The following DNAH8 variants were observed in gnomAD, a reference collection of about 807,000 sequenced individuals.
The protein encoded by DNAH8 is dynein axonemal heavy chain 8.
In DNAH8, 382 loss-of-function variants were observed where a neutral mutation model predicts 562.1. The ratio of observed to expected loss-of-function variants is 0.68; its 90% CI spans 0.63 to 0.74. DNAH8 has a LOEUF of 0.74. DNAH8 is among the 30% of genes least tolerant of loss of function. The pLI, the probability that DNAH8 is intolerant of heterozygous loss-of-function variation, is 0.00. For missense variants in DNAH8, 5,203 were observed against 5,620.4 expected (o/e 0.93, Z 2.37); for synonymous variants, 1,881 against 1,919.4 (o/e 0.98, Z 0.52).
Position 38,807,669 on chromosome 6 carries a change from T to C in DNAH8, c.3210T>C (p.Ala1070=). Reference sequence around the variant, plus strand: ...AATTACTAGACAGTCTTCAAAAAGCTACACGGTTATCTCTGGACACAATGA... The same window carrying C: ...AATTACTAGACAGTCTTCAAAAAGCCACACGGTTATCTCTGGACACAATGA... The part of the protein sequence containing the change: ...SHQLLDSLQK[A]TRLSLDTMKR... Residue 1070 remains alanine, a synonymous_variant, in exon 24 of 93, where the codon GCT becomes GCC. Coordinates refer to ENST00000327475, the MANE Select transcript of DNAH8 (RefSeq NM_001206927.2). 2 of 1,568,262 alleles carry C rather than the reference T, an allele frequency of 1.3e-6. No individual in the cohort carries two copies. Among genetic ancestry groups the C allele is most frequent in the Non-Finnish European group, 8.6e-7 (1 of 1,160,722 alleles).
Position 38,715,958 on chromosome 6 carries a change from A to AT in DNAH8, c.-35+544dup, listed in dbSNP as rs1454056787. 2.3e-3 allele frequency among the ~76,000 whole-genome samples: 71 copies of AT among 31,042 alleles called. 3 individuals carry two copies. The highest frequency in any genetic ancestry group is 3.1e-3 in the Admixed American group (7 of 2,226). The allele number at this position is 31,042 out of a possible 152,430, so 20.4% of individuals were successfully genotyped here. On this transcript the variant is annotated intron_variant, in intron 1 of 92. Coordinates refer to ENST00000327475, the MANE Select transcript of DNAH8 (RefSeq NM_001206927.2). The stretch of plus-strand genomic sequence containing the variant: ...TATATATATATATATATATATATAT[A>AT]TATTTTTTTTTTTTTTTTGAGACGG...
At chr6:38,727,033 T>C (rs940673528) in intron 3 of DNAH8, among the ~76,000 whole-genome samples, 7 of 152,024 alleles carry the variant, frequency 4.6e-5, no homozygotes, top group African/African-American at 1.7e-4. Flanking sequence ...AATTTTTGTA[T>C]TTTTAGTAGA....
Position 38,853,595 on chromosome 6 carries a change from A to G in DNAH8, c.5733+248A>G, listed in dbSNP as rs16891139. Among the ~76,000 whole-genome samples the G allele has an allele frequency of 0.037, 5,656 of 152,214 alleles. 298 individuals carry two copies. Among genetic ancestry groups the G allele is most frequent in the East Asian group, 0.28 (1,434 of 5,166 alleles). ...TTTTCCCATCATGAAGGATACATAC[A>G]TTGAGTCTAATAGATACATATGTAA... On this transcript the variant is annotated intron_variant, in intron 41 of 92. Transcript: ENST00000327475.
chr6:38,721,583 G>T (rs1762756370), intron 1 of DNAH8, among the ~76,000 whole-genome samples: 1 of 152,094 alleles, frequency 6.6e-6, no homozygotes, highest in Non-Finnish European at 1.5e-5. Context: ...AAACCCTGCT[G>T]ATAATTTGGG....
intron 88 of DNAH8, among the ~76,000 whole-genome samples, chr6:39,005,410 A>G (rs1398160741): frequency 6.6e-6 from 1 of 152,116 alleles, no homozygotes; most frequent in Non-Finnish European, 1.5e-5. Context: ...TCTCAAAAAC[A>G]AAACAAAACA....
Position 38,847,570 on chromosome 6 carries a change from G to A in DNAH8, c.5046-1078G>A, listed in dbSNP as rs1775397007. On this transcript the variant is annotated intron_variant, in intron 36 of 92. Coordinates refer to ENST00000327475, the MANE Select transcript of DNAH8 (RefSeq NM_001206927.2). ...TGTACAACTCCATTTATAACTTCATGTATAACATAGGCTTTCAGGGAAATT... is the reference window on the plus strand; with the variant it reads ...TGTACAACTCCATTTATAACTTCATATATAACATAGGCTTTCAGGGAAATT... Among the ~76,000 whole-genome samples, 6 of 151,980 alleles carry A rather than the reference G, an allele frequency of 3.9e-5. No individual in the cohort carries two copies. The South Asian group carries it at 1.2e-3, about 32-fold the overall frequency.
intron 41 of DNAH8, among the ~76,000 whole-genome samples, chr6:38,854,302 G>T (rs1420488079): frequency 6.6e-6 from 1 of 152,148 alleles, no homozygotes; most frequent in African/African-American, 2.4e-5. Flanking sequence ...GAAATGAAAA[G>T]TGATGATTTG....
chr6:38,847,894 A>G (rs1052114525), intron 36 of DNAH8, among the ~76,000 whole-genome samples: 2 of 152,124 alleles, frequency 1.3e-5, no homozygotes, highest in African/African-American at 4.8e-5. Flanking sequence ...TTGTATTCTC[A>G]TAAACACTTC....
At chr6:38,941,565 A>G (rs543198608) in intron 79 of DNAH8, among the ~76,000 whole-genome samples, 2 of 152,296 alleles carry the variant, frequency 1.3e-5, no homozygotes, top group South Asian at 4.2e-4. Context: ...GGTGTGGTAC[A>G]ATGAACACTA....
At chr6:38,783,371 C>T (rs1768832586) in intron 17 of DNAH8, among the ~76,000 whole-genome samples, 1 of 152,070 alleles carries the variant, frequency 6.6e-6, no homozygotes, top group African/African-American at 2.4e-5. Context: ...GACTTTCTAC[C>T]AAAAACCAGT....
Position 38,864,089 on chromosome 6 carries a change from A to C in DNAH8, c.6498+29A>C, listed in dbSNP as rs530393627. ...AGAAAAAAGGCTTTAAATGCAATTT[A>C]ATTAGTTTAATTGTTACAGACATAA... is the stretch of plus-strand genomic sequence containing the variant. On this transcript the variant is annotated intron_variant, in intron 45 of 92. Coordinates refer to ENST00000327475, the MANE Select transcript of DNAH8 (RefSeq NM_001206927.2). 10 of 1,585,248 alleles carry C rather than the reference A, an allele frequency of 6.3e-6. No individual in the cohort carries two copies. In the South Asian group the frequency reaches 1.2e-4, roughly 18 times the overall value.
chr6:38,749,179 G>GTACT lies in DNAH8; in HGVS notation c.1294-1296_1294-1293dup, dbSNP rs1765211947. On this transcript the variant is annotated intron_variant, in intron 8 of 92. Coordinates refer to ENST00000327475, the MANE Select transcript of DNAH8 (RefSeq NM_001206927.2). ...AAATGTGGCACATATACACCATGGAGTACTATATGGCTATAAAAGGGAGTG... is the reference window on the plus strand; with the variant it reads ...AAATGTGGCACATATACACCATGGAGTACTTACTATATGGCTATAAAAGGGAGTG... Among the ~76,000 whole-genome samples, 3 of 152,106 alleles carry GTACT rather than the reference G, an allele frequency of 2.0e-5. No homozygotes were observed. The South Asian group carries it at 6.2e-4, about 31-fold the overall frequency.
At chr6:38,742,534 T>C (rs965315116) in intron 8 of DNAH8, among the ~76,000 whole-genome samples, 5 of 152,134 alleles carry the variant, frequency 3.3e-5, no homozygotes, top group African/African-American at 1.2e-4. Context: ...ACTCCTGAGC[T>C]CAAGTGATCC....
chr6:38,956,050 C>T (rs983890792), intron 82 of DNAH8, among the ~76,000 whole-genome samples: 4 of 152,230 alleles, frequency 2.6e-5, no homozygotes, highest in African/African-American at 9.6e-5. Context: ...AGAGGCTCGT[C>T]TGCCTGCCAA....
chr6:38,928,670 G>A (rs992183403), intron 74 of DNAH8, among the ~76,000 whole-genome samples: 9 of 152,140 alleles, frequency 5.9e-5, no homozygotes, highest in African/African-American at 2.2e-4. Context: ...CTAATCGCCT[G>A]TTGTCCCAGT....
In DNAH8 at chr6:38,815,724, A is replaced by C. The variant is rs568195176; in HGVS notation, c.3523+67A>C. The C allele has an allele frequency of 3.0e-5, 41 of 1,345,216 alleles. No homozygotes were observed. The African/African-American group carries it at 4.3e-4, about 14-fold the overall frequency. The allele number at this position is 1,345,216 out of a possible 1,614,324, so 83.3% of individuals were successfully genotyped here. ...TGGATTTGATAGCATATAGATTTTT[A>C]AATTATTTTATATGTTTGATACCTT... On this transcript the variant is annotated intron_variant, in intron 26 of 92. Coordinates refer to ENST00000327475, the MANE Select transcript of DNAH8 (RefSeq NM_001206927.2).
chr6:38,993,466 T>A (rs923687990), intron 88 of DNAH8, among the ~76,000 whole-genome samples: 8 of 152,334 alleles, frequency 5.3e-5, no homozygotes, highest in African/African-American at 1.9e-4. Context: ...CATATGCTAT[T>A]GTTTTGAATA....
intron 18 of DNAH8, among the ~76,000 whole-genome samples, 178 bp from the exon 19 acceptor site, chr6:38,789,625 C>G (rs1173504619): frequency 6.6e-6 from 1 of 152,088 alleles, no homozygotes; most frequent in Non-Finnish European, 1.5e-5. Flanking sequence ...AGGAGATGCT[C>G]AGGTAATTTA....
intron 31 of DNAH8, among the ~76,000 whole-genome samples, chr6:38,833,819 A>G (rs1390503866): frequency 5.9e-5 from 9 of 152,156 alleles, no homozygotes; most frequent in Admixed American, 5.9e-4. Flanking sequence ...ATTGGGCCTC[A>G]GTTTACTTTT....
Sources: gnomAD v4.1 joint callset for allele counts (sites outside exome capture counted in the v4.1 genomes callset) on GRCh38, gnomAD v4.1.1 for gene constraint, MANE v1.5 for transcripts, NCBI Gene and HGNC (gene_info 2026-07-23, HGNC 2026-07-21) for gene names.